TENM1: variants seen among roughly 807,000 people sequenced by gnomAD.
TENM1 encodes teneurin-1.
A neutral mutation model predicts 174.8 loss-of-function variants in TENM1; 35 were observed. That is an observed-to-expected ratio of 0.20 (90% CI 0.15 to 0.27). The LOEUF is 0.27. TENM1 is among the 10% of genes least tolerant of loss of function. TENM1 has a pLI of 1.00. For missense variants in TENM1, 1,633 were observed against 2,130.1 expected, an observed-to-expected ratio of 0.77 and a Z score of 4.59; for synonymous variants, 781 against 798.7, an observed-to-expected ratio of 0.98 and a Z score of 0.37.
chrX:124,406,578 G>A (rs1020999465), intron 25 of TENM1, 89 bp from the exon 29 acceptor site: 4 of 561,137 alleles, frequency 7.1e-6, no homozygotes, highest in Middle Eastern at 6.1e-4. Context: ...AGCTAATACA[G>A]TTTAACTTTG....
In TENM1 at chrX:124,406,232, C is replaced by CTG. The variant is rs759951776; in HGVS notation, c.5155+83_5155+84dup. ...ACATCTTCTCAGCTAGAGGTGAATT[C>CTG]TGTTTATGAATGGTGTACGCAGGTT... On this transcript the variant is annotated intron_variant, in intron 26 of 31. Transcript: ENST00000422452. The CTG allele has an allele frequency of 5.3e-5, 39 of 741,014 alleles. 1 individual carries two copies. In the South Asian group the frequency reaches 1.1e-3, roughly 21 times the overall value. The allele number at this position is 741,014 out of a possible 1,213,427, so 61.1% of individuals were successfully genotyped here. A position where few individuals can be genotyped will look rare whatever the true frequency, so the allele number is the denominator to read the frequency against.
At chrX:125,179,209 G>T in the TENM1 span, among the ~76,000 whole-genome samples, 6 of 111,262 alleles carry the variant, frequency 5.4e-5, no homozygotes, top group African/African-American at 9.8e-5. Flanking sequence ...TTTCACTTCC[G>T]GAATGTGAAT....
chrX:125,028,704 A>G, the TENM1 span, among the ~76,000 whole-genome samples: 4 of 112,195 alleles, frequency 3.6e-5, no homozygotes, highest in Non-Finnish European at 7.5e-5. Flanking sequence ...ATATTCATAT[A>G]TCAGAAATGT....
At chrX:124,973,472 TG>T in the TENM1 span, among the ~76,000 whole-genome samples, 2 of 111,849 alleles carry the variant, frequency 1.8e-5, no homozygotes, top group African/African-American at 6.5e-5. Flanking sequence ...GGGATAGCAC[TG>T]AATCTCTAAA....
At chrX:125,138,199 A>C in the TENM1 span, among the ~76,000 whole-genome samples, 3 of 111,443 alleles carry the variant, frequency 2.7e-5, no homozygotes, top group African/African-American at 9.8e-5. Flanking sequence ...CCCTGGTATA[A>C]AGAAATGGCA....
the TENM1 span, among the ~76,000 whole-genome samples, chrX:124,980,902 G>T: frequency 8.9e-6 from 1 of 111,887 alleles, no homozygotes; most frequent in African/African-American, 3.2e-5. Flanking sequence ...CCACATTGAA[G>T]ATGTATTGTT....
In TENM1 at chrX:124,814,904, A is replaced by G. The variant is rs140601690; in HGVS notation, c.536-77707T>C. Reference sequence around the variant, plus strand: ...AGGTTTGTGGTAACTAAGTCCTAACAGTATTTAACATTTTCACTAAATCAA... The same window carrying G: ...AGGTTTGTGGTAACTAAGTCCTAACGGTATTTAACATTTTCACTAAATCAA... On this transcript the variant is annotated intron_variant, in intron 3 of 31. Transcript: ENST00000422452. Among the ~76,000 whole-genome samples the G allele has an allele frequency of 1.0e-3, 113 of 112,085 alleles. 1 individual carries two copies. The highest frequency in any genetic ancestry group is 3.5e-3 in the African/African-American group (108 of 30,923).
intron 23 of TENM1, among the ~76,000 whole-genome samples, chrX:124,428,294 C>T (rs1049860046): frequency 4.5e-5 from 5 of 111,861 alleles, no homozygotes; most frequent in Admixed American, 1.9e-4. Flanking sequence ...CTCAGGTCAA[C>T]CAGTCCCATG....
exon 7 of TENM1, chrX:124,653,765 G>T: frequency 8.3e-7 from 1 of 1,207,633 alleles, no homozygotes; most frequent in Non-Finnish European, 1.1e-6. Flanking sequence ...AGTGTCTATC[G>T]CCCGTCCCTT....
intron 18 of TENM1, among the ~76,000 whole-genome samples, chrX:124,509,713 AT>A (rs753100747): frequency 0.15 from 11,113 of 75,799 alleles, 894 homozygotes; most frequent in African/African-American, 0.19. Flanking sequence ...ACTTTCTGGA[AT>A]TTTTTTTTTT....
the TENM1 span, among the ~76,000 whole-genome samples, chrX:125,058,163 C>A: frequency 9.0e-6 from 1 of 111,274 alleles, no homozygotes; most frequent in Admixed American, 9.6e-5. Context: ...AATAAAAAGA[C>A]CGATAACACA....
intron 3 of TENM1, among the ~76,000 whole-genome samples, chrX:124,869,714 G>A (rs901644256): frequency 6.3e-5 from 7 of 110,754 alleles, no homozygotes; most frequent in Admixed American, 2.9e-4. Flanking sequence ...AGTGAAATAA[G>A]CCAGTCACAG....
chrX:125,010,174 CAA>C, the TENM1 span, among the ~76,000 whole-genome samples: 1 of 111,555 alleles, frequency 9.0e-6, no homozygotes, highest in Non-Finnish European at 1.9e-5. Context: ...GCAACTTCAG[CAA>C]AGTCTCAAAA....
intron 17 of TENM1, among the ~76,000 whole-genome samples, chrX:124,521,147 C>T (rs1465715455): frequency 4.5e-5 from 5 of 111,519 alleles, no homozygotes; most frequent in African/African-American, 1.3e-4. Flanking sequence ...CTATGGGCTC[C>T]ATTAAGGGGT....
chrX:125,061,970 A>T, the TENM1 span, among the ~76,000 whole-genome samples: 1,195 of 112,177 alleles, frequency 0.011, 12 homozygotes, highest in Non-Finnish European at 0.016. Context: ...TGTGTTCTCG[A>T]GCAATAGAGT....
chrX:125,004,821 T>C, the TENM1 span, among the ~76,000 whole-genome samples: 2 of 112,026 alleles, frequency 1.8e-5, no homozygotes, highest in Admixed American at 1.9e-4. Flanking sequence ...TTTTTCTTTT[T>C]TAATTACTTT....
intron 3 of TENM1, among the ~76,000 whole-genome samples, chrX:124,868,527 T>C (rs1381604668): frequency 9.0e-6 from 1 of 111,348 alleles, no homozygotes; most frequent in Non-Finnish European, 1.9e-5. Flanking sequence ...ACGAAACTAC[T>C]ACAAGAAAAC....
the TENM1 span, among the ~76,000 whole-genome samples, chrX:125,040,422 T>C: frequency 9.0e-6 from 1 of 111,197 alleles, no homozygotes; most frequent in Non-Finnish European, 1.9e-5. Context: ...ACAACAAAAA[T>C]CAAATAACTG....
At chrX:124,714,757 T>C (rs1176285025) in intron 4 of TENM1, among the ~76,000 whole-genome samples, 1 of 111,769 alleles carries the variant, frequency 8.9e-6, no homozygotes, top group Non-Finnish European at 1.9e-5. Context: ...AAATTGAAAG[T>C]AGGAGTAAGG....
Sources: gnomAD v4.1 joint callset for allele counts (sites outside exome capture counted in the v4.1 genomes callset) on GRCh38, gnomAD v4.1.1 for gene constraint, MANE v1.5 for transcripts, NCBI Gene and HGNC (gene_info 2026-07-23, HGNC 2026-07-21) for gene names.